The following TRDN variants were observed in gnomAD, a reference collection of about 807,000 sequenced individuals.
TRDN encodes the protein triadin.
TRDN carries 161 observed loss-of-function variants against 149.7 expected under a neutral mutation model. The observed-to-expected ratio is 1.08, with a 90% CI of 0.95 to 1.23. The LOEUF is 1.23. Among genes scored for constraint, TRDN ranks in the 50% most tolerant of loss-of-function variants. The probability of loss-of-function intolerance (pLI) is 0.00; values close to 1 mark genes in which losing one functional copy is unlikely to be tolerated. For missense variants in TRDN, 896 were observed against 823.5 expected (o/e 1.09, Z -1.08); for synonymous variants, 294 against 250.5 (o/e 1.17, Z -1.64).
At chr6:123,567,713 G>A (rs894541471) in intron 2 of TRDN, among the ~76,000 whole-genome samples, 1 of 152,064 alleles carries the variant, frequency 6.6e-6, no homozygotes, top group Non-Finnish European at 1.5e-5. Context: ...AAAGTACCAA[G>A]GGAATTGGCT....
chr6:123,291,328 G>T (rs912940147), intron 24 of TRDN, among the ~76,000 whole-genome samples: 1 of 152,060 alleles, frequency 6.6e-6, no homozygotes, highest in Non-Finnish European at 1.5e-5. Flanking sequence ...ACTTTGGAAG[G>T]CCGAGGCAGG....
At chr6:123,608,224 AGTATCTCT>A (rs141978846) in intron 1 of TRDN, among the ~76,000 whole-genome samples, 4,691 of 152,266 alleles carry the variant, frequency 0.031, 98 homozygotes, top group Non-Finnish European at 0.046. Context: ...TAAATTATTT[AGTATCTCT>A]GTACTTTAAG....
At chr6:123,394,982 A>G (rs1313178800) in intron 12 of TRDN, among the ~76,000 whole-genome samples, 3 of 152,160 alleles carry the variant, frequency 2.0e-5, no homozygotes, top group Non-Finnish European at 4.4e-5. Flanking sequence ...ATAATTGTTG[A>G]CTAAAACAAA....
intron 12 of TRDN, among the ~76,000 whole-genome samples, chr6:123,428,371 G>A (rs1480409888): frequency 6.6e-6 from 1 of 152,052 alleles, no homozygotes; most frequent in Non-Finnish European, 1.5e-5. Context: ...TCCCTAGCAG[G>A]ACATGAACAA....
At chr6:123,447,333 C>G (rs1775446235) in intron 10 of TRDN, among the ~76,000 whole-genome samples, 1 of 152,172 alleles carries the variant, frequency 6.6e-6, no homozygotes, top group South Asian at 2.1e-4. Context: ...TAAAAACCTC[C>G]TTCCAGTAAT....
intron 33 of TRDN, among the ~76,000 whole-genome samples, chr6:123,261,161 G>A (rs558525980): frequency 8.0e-4 from 122 of 151,598 alleles, no homozygotes; most frequent in African/African-American, 2.8e-3. Flanking sequence ...AAAAACATAC[G>A]ATATAATTAA....
intron 19 of TRDN, among the ~76,000 whole-genome samples, chr6:123,368,591 T>C (rs1426569827): frequency 1.3e-5 from 2 of 152,148 alleles, no homozygotes; most frequent in East Asian, 3.9e-4. Context: ...GTCACTGATA[T>C]ACACAACTCA....
At chr6:123,372,303 T>C (rs1781354909) in intron 19 of TRDN, among the ~76,000 whole-genome samples, 1 of 152,138 alleles carries the variant, frequency 6.6e-6, no homozygotes, top group Non-Finnish European at 1.5e-5. Context: ...GATCTTGACA[T>C]ATATTAGTAG....
chr6:123,383,181 G>A (rs1781783167), intron 14 of TRDN, among the ~76,000 whole-genome samples: 1 of 152,000 alleles, frequency 6.6e-6, no homozygotes, highest in Admixed American at 6.6e-5. Context: ...GATGAAGAAA[G>A]GGAACTAAAA....
intron 32 of TRDN, among the ~76,000 whole-genome samples, chr6:123,266,885 G>C (rs1297822179): frequency 1.4e-5 from 2 of 143,176 alleles, no homozygotes; most frequent in Admixed American, 7.5e-5. Flanking sequence ...GAGGTGGGTG[G>C]ATCACGAGGT....
At chr6:123,534,403 A>G (rs935838000) in intron 4 of TRDN, among the ~76,000 whole-genome samples, 1 of 152,174 alleles carries the variant, frequency 6.6e-6, no homozygotes, top group Non-Finnish European at 1.5e-5. Flanking sequence ...ACTGGATTCC[A>G]TCACTGGTGT....
At chr6:123,537,592 C>A (rs996461626) in intron 4 of TRDN, among the ~76,000 whole-genome samples, 8 of 152,142 alleles carry the variant, frequency 5.3e-5, no homozygotes, top group Non-Finnish European at 1.2e-4. Context: ...CCGTTTAATT[C>A]TGTCAAAATG....
intron 7 of TRDN, chr6:123,510,104 G>T (rs1339797571): frequency 6.6e-6 from 1 of 151,774 alleles, no homozygotes; most frequent in Non-Finnish European, 1.5e-5. Flanking sequence ...ATTTTCACTT[G>T]CATTTATGAA....
rs150906496 is a variant in TRDN at position 123,558,921 on chromosome 6, G to A, written c.233-10309C>T. ...CCCCCAGGACCTTGCCACAAGTGCC[G>A]GAAATCCGGCCACTGGGCCAACAAA... On this transcript the variant is annotated intron_variant, in intron 2 of 40. Coordinates refer to ENST00000334268, the MANE Select transcript of TRDN (RefSeq NM_006073.4). Among the ~76,000 whole-genome samples, 218 of 152,348 alleles carry A rather than the reference G, an allele frequency of 1.4e-3. 1 individual carries two copies. Among genetic ancestry groups the A allele is most frequent in the African/African-American group, 4.8e-3 (198 of 41,582 alleles).
At chr6:123,221,972 A>G (rs190682485) in intron 39 of TRDN, among the ~76,000 whole-genome samples, 2 of 151,748 alleles carry the variant, frequency 1.3e-5, no homozygotes, top group Admixed American at 1.3e-4. Context: ...AAAGTAGAGC[A>G]GCAGCCCAGT....
intron 19 of TRDN, among the ~76,000 whole-genome samples, chr6:123,373,438 A>G (rs1422090660): frequency 1.3e-5 from 2 of 152,062 alleles, no homozygotes; most frequent in Admixed American, 6.6e-5. Flanking sequence ...CCAGTGTGGG[A>G]TATGTCTTTA....
intron 1 of TRDN, among the ~76,000 whole-genome samples, chr6:123,625,340 G>A (rs1785600710): frequency 6.6e-6 from 1 of 151,964 alleles, no homozygotes; most frequent in Non-Finnish European, 1.5e-5. Flanking sequence ...TTGCAAGAAA[G>A]CAAATCACAC....
chr6:123,230,761 G>T (rs992981547), intron 38 of TRDN, among the ~76,000 whole-genome samples: 1 of 151,834 alleles, frequency 6.6e-6, no homozygotes, highest in Non-Finnish European at 1.5e-5. Flanking sequence ...TGTTATAAAA[G>T]TAAAATCATA....
At chr6:123,252,502 G>T in intron 37 of TRDN, 67 bp from the exon 38 acceptor site, 2 of 839,590 alleles carry the variant, frequency 2.4e-6, no homozygotes, top group South Asian at 2.0e-5. Context: ...TAAATCAGTG[G>T]ACTTTATAAA....
Sources: gnomAD v4.1 joint callset for allele counts (sites outside exome capture counted in the v4.1 genomes callset) on GRCh38, gnomAD v4.1.1 for gene constraint, MANE v1.5 for transcripts, NCBI Gene and HGNC (gene_info 2026-07-23, HGNC 2026-07-21) for gene names.